The following ETNK1 variants were observed in gnomAD, a reference collection of about 807,000 sequenced individuals.
ETNK1 encodes putative protein product of Nbla10396.
In ETNK1, 8 loss-of-function variants were observed where a neutral mutation model predicts 45.1. The ratio of observed to expected loss-of-function variants is 0.18; its 90% CI spans 0.10 to 0.32. The LOEUF (loss-of-function observed/expected upper bound fraction) is 0.32, where lower values mean the gene tolerates loss of function less well. Among genes scored for constraint, ETNK1 ranks in the 10% least tolerant of loss-of-function variants. ETNK1 has a pLI of 1.00. For synonymous variants in ETNK1, 152 were observed against 151.9 expected (o/e 1.00, Z -0.01); for missense variants, 302 against 430.6 (o/e 0.70, Z 2.64).
intron 1 of ETNK1, among the ~76,000 whole-genome samples, chr12:22,641,600 A>G (rs1421006341): frequency 6.6e-6 from 1 of 152,138 alleles, no homozygotes; most frequent in African/African-American, 2.4e-5. Flanking sequence ...TAATTTTTCC[A>G]CTAGTAAACC....
intron 2 of ETNK1, among the ~76,000 whole-genome samples, chr12:22,644,947 G>C (rs1437297591): frequency 1.3e-5 from 2 of 151,932 alleles, no homozygotes; most frequent in Admixed American, 1.3e-4. Context: ...GACAAAAATG[G>C]AATGTACCAG....
intron 4 of ETNK1, among the ~76,000 whole-genome samples, chr12:22,667,742 C>T (rs1411411554): frequency 6.6e-6 from 1 of 152,124 alleles, no homozygotes; most frequent in Non-Finnish European, 1.5e-5. Context: ...TTTTGCTTTT[C>T]ATTTTTATTC....
rs542644522 is a variant in ETNK1, at chr12:22,625,223, C to A, written c.-208C>A. 6.2e-7 allele frequency: 1 copy of A among 1,611,194 alleles called. No homozygotes were observed. The highest frequency in any genetic ancestry group is 8.5e-7 in the Non-Finnish European group (1 of 1,179,016). On this transcript the variant is annotated 5_prime_UTR_variant, in exon 1 of 8. Transcript: ENST00000266517. ...ACAGGAATTTTCTCCGAGAGCGGGC[C>A]GGGCTCAGTTCAGCTGCTGTCCAGA...
In ETNK1 at chr12:22,687,498, T is replaced by C. The variant is rs771905686; in HGVS notation, c.*2544T>C. On this transcript the variant is annotated 3_prime_UTR_variant, in exon 8 of 8. Transcript: ENST00000266517. ...ATATTCAATGTTAGTCAATAGACCA[T>C]AGTGGCCTGGATGCTTTAACAAGCC... is the stretch of plus-strand genomic sequence containing the variant. The C allele has an allele frequency of 9.8e-5, 15 of 152,306 alleles. No homozygotes were observed. Among genetic ancestry groups the C allele is most frequent in the Non-Finnish European group, 5.9e-5 (4 of 67,788 alleles). 9.4% of individuals were successfully genotyped at this position (152,306 alleles called of 1,614,324 possible).
rs958623929 is a variant in ETNK1, at chr12:22,688,343, T to A, written c.*3389T>A. 2 of 151,820 alleles carry A rather than the reference T, an allele frequency of 1.3e-5. No individual in the cohort carries two copies. The highest frequency in any genetic ancestry group is 4.8e-5 in the African/African-American group (2 of 41,402). 9.4% of individuals were successfully genotyped at this position (151,820 alleles called of 1,614,324 possible). A position where few individuals can be genotyped will look rare whatever the true frequency, so the allele number is the denominator to read the frequency against. ...ATCTTGTAATGACAATTATTTCCAT[T>A]TTTGCTGAACTAAAAATATTTAACT... On this transcript the variant is annotated 3_prime_UTR_variant, in exon 8 of 8. Transcript: ENST00000266517.
At chr12:22,669,815 A>G (rs527738983) in intron 4 of ETNK1, among the ~76,000 whole-genome samples, 13 of 129,450 alleles carry the variant, frequency 1.0e-4, no homozygotes, top group African/African-American at 2.5e-4. Context: ...ACAAAAAACA[A>G]AAAGAGAAAA....
chr12:22,655,002 CTT>C (rs1953920222), intron 2 of ETNK1, among the ~76,000 whole-genome samples: 1 of 152,168 alleles, frequency 6.6e-6, no homozygotes, highest in Admixed American at 6.5e-5. Flanking sequence ...TAGTTTCACT[CTT>C]GTTACCCACG....
intron 6 of ETNK1, among the ~76,000 whole-genome samples, chr12:22,679,393 T>C (rs1414590454): frequency 2.0e-5 from 3 of 152,190 alleles, no homozygotes; most frequent in Non-Finnish European, 4.4e-5. Flanking sequence ...TCCTACCTTC[T>C]TCTGCCTGCT....
At chr12:22,661,889 G>C (rs1954003049) in intron 4 of ETNK1, among the ~76,000 whole-genome samples, 2 of 152,066 alleles carry the variant, frequency 1.3e-5, no homozygotes, top group Non-Finnish European at 2.9e-5. Context: ...GAACCACTCG[G>C]TTGTATTATA....
At chr12:22,635,839 G>T (rs7297546) in intron 1 of ETNK1, among the ~76,000 whole-genome samples, 8,782 of 152,098 alleles carry the variant, frequency 0.058, 812 homozygotes, top group African/African-American at 0.2. Flanking sequence ...TATTTGTTGA[G>T]GCTTGCTTTA....
intron 1 of ETNK1, among the ~76,000 whole-genome samples, chr12:22,636,406 A>G (rs1049540325): frequency 6.6e-6 from 1 of 152,012 alleles, no homozygotes; most frequent in Admixed American, 6.6e-5. Flanking sequence ...TAATTCTGTA[A>G]GTTTTTGCTC....
chr12:22,690,027 A>G lies in ETNK1; in HGVS notation c.*5073A>G, dbSNP rs553319139. Reference sequence around the variant, plus strand: ...CCATTATTCCATGTGCTTAAATGATAATTTCCTTATTCAGTTTCAGAAGAA... The same window carrying G: ...CCATTATTCCATGTGCTTAAATGATGATTTCCTTATTCAGTTTCAGAAGAA... On this transcript the variant is annotated 3_prime_UTR_variant, in exon 8 of 8. Transcript: ENST00000266517. 3.3e-5 allele frequency: 5 copies of G among 152,588 alleles called. No individual in the cohort carries two copies. In the East Asian group the frequency reaches 9.6e-4, roughly 29 times the overall value. The allele number at this position is 152,588 out of a possible 1,614,324, so 9.5% of individuals were successfully genotyped here.
chr12:22,650,349 T>G (rs920809955), intron 2 of ETNK1, among the ~76,000 whole-genome samples: 4 of 152,016 alleles, frequency 2.6e-5, no homozygotes, highest in African/African-American at 9.7e-5. Flanking sequence ...TGTTCTTTCT[T>G]TATTCCTGAT....
In ETNK1 at chr12:22,625,326, C is replaced by A. The variant is rs545653162; in HGVS notation, c.-105C>A. On this transcript the variant is annotated 5_prime_UTR_variant, in exon 1 of 8. Coordinates refer to ENST00000266517, the MANE Select transcript of ETNK1 (RefSeq NM_018638.5). ...CGTCCCAGCGCCCCCAGCCCTCCCGCGAGGGCGCCCCGGGACGGAAGGATC... is the reference window on the plus strand; with the variant it reads ...CGTCCCAGCGCCCCCAGCCCTCCCGAGAGGGCGCCCCGGGACGGAAGGATC... The A allele has an allele frequency of 2.9e-5, 46 of 1,594,988 alleles. No individual in the cohort carries two copies. The East Asian group carries it at 9.7e-4, about 34-fold the overall frequency.
intron 2 of ETNK1, 169 bp downstream of exon 2, chr12:22,644,191 A>G (rs748570461): frequency 6.4e-7 from 1 of 1,573,148 alleles, no homozygotes; most frequent in South Asian, 1.2e-5. Flanking sequence ...AGATAGAAGT[A>G]AATTTCTTTA....
In ETNK1 at chr12:22,673,491, C is replaced by T. The variant is rs1302108151; in HGVS notation, c.785-9C>T. On this transcript the variant is annotated splice_polypyrimidine_tract_variant and intron_variant, in intron 5 of 7. Coordinates refer to ENST00000266517, the MANE Select transcript of ETNK1 (RefSeq NM_018638.5). ...AAAATTTTTGAGTGTAGTTTTTTTTCTTCTAAAGGTGTGAGTGATGTAGAC... is the reference window on the plus strand; with the variant it reads ...AAAATTTTTGAGTGTAGTTTTTTTTTTTCTAAAGGTGTGAGTGATGTAGAC... 3.2e-6 allele frequency: 5 copies of T among 1,557,218 alleles called. No homozygotes were observed. The highest frequency in any genetic ancestry group is 1.9e-5 in the Admixed American group (1 of 53,828).
intron 2 of ETNK1, among the ~76,000 whole-genome samples, chr12:22,646,298 T>A (rs1953806351): frequency 6.6e-6 from 1 of 151,786 alleles, no homozygotes; most frequent in Admixed American, 6.6e-5. Context: ...GAGTTACACA[T>A]GATTTTAAAT....
intron 1 of ETNK1, among the ~76,000 whole-genome samples, chr12:22,631,482 T>G (rs1953580282): frequency 6.6e-6 from 1 of 152,200 alleles, no homozygotes; most frequent in Admixed American, 6.5e-5. Context: ...GTGGTAAGTA[T>G]TCTTTTGTGA....
intron 2 of ETNK1, among the ~76,000 whole-genome samples, chr12:22,651,216 G>A (rs1459322447): frequency 2.6e-5 from 4 of 152,216 alleles, no homozygotes; most frequent in African/African-American, 7.2e-5. Flanking sequence ...CATAAAGCAT[G>A]TAGAAGCTGG....
Sources: gnomAD v4.1 joint callset for allele counts (sites outside exome capture counted in the v4.1 genomes callset) on GRCh38, gnomAD v4.1.1 for gene constraint, MANE v1.5 for transcripts, NCBI Gene and HGNC (gene_info 2026-07-23, HGNC 2026-07-21) for gene names.